Variants in PTPN3 observed in about 807,000 individuals in gnomAD.
The protein encoded by PTPN3 is protein tyrosine phosphatase non-receptor type 3.
A neutral mutation model predicts 132.7 loss-of-function variants in PTPN3; 96 were observed. The observed-to-expected ratio is 0.72, with a 90% CI of 0.61 to 0.86. The LOEUF (loss-of-function observed/expected upper bound fraction) is 0.86, where lower values mean the gene tolerates loss of function less well. PTPN3 is among the 40% of genes least tolerant of loss of function. PTPN3 has a pLI of 0.00. For missense variants in PTPN3, 1,125 were observed against 1,159.6 expected, an observed-to-expected ratio of 0.97 and a Z score of 0.43; for synonymous variants, 398 against 429.0, an observed-to-expected ratio of 0.93 and a Z score of 0.89.
At chr9:109,453,026 T>C (rs545157761) in intron 5 of PTPN3, among the ~76,000 whole-genome samples, 8 of 152,236 alleles carry the variant, frequency 5.3e-5, no homozygotes, top group African/African-American at 1.4e-4. Context: ...AAAGAGCTGG[T>C]ATGGGGAAAA....
At chr9:109,460,809 G>A (rs191175693) in intron 2 of PTPN3, among the ~76,000 whole-genome samples, 16 of 152,274 alleles carry the variant, frequency 1.1e-4, no homozygotes, top group Non-Finnish European at 1.9e-4. Context: ...TCCCCTGCTG[G>A]GATGTTAGCT....
At chr9:109,475,240 G>A (rs1846598188) in intron 1 of PTPN3, among the ~76,000 whole-genome samples, 1 of 152,180 alleles carries the variant, frequency 6.6e-6, no homozygotes, top group Non-Finnish European at 1.5e-5. Flanking sequence ...TGGGCTTTCA[G>A]GACTTCTGTT....
At chr9:109,401,635 C>A (rs538995305) in intron 19 of PTPN3, among the ~76,000 whole-genome samples, 2 of 152,292 alleles carry the variant, frequency 1.3e-5, no homozygotes, top group East Asian at 1.9e-4. Flanking sequence ...GAGCCCACAG[C>A]GCCTCCTTGT....
At chr9:109,453,390 T>C (rs535315249) in intron 5 of PTPN3, among the ~76,000 whole-genome samples, 1 of 152,180 alleles carries the variant, frequency 6.6e-6, no homozygotes, top group South Asian at 2.1e-4. Context: ...CTAAGAAAAA[T>C]AAATGGATCA....
chr9:109,384,617 G>A (rs1233962934), intron 22 of PTPN3, among the ~76,000 whole-genome samples: 1 of 152,182 alleles, frequency 6.6e-6, no homozygotes, highest in East Asian at 1.9e-4. Context: ...AAACTTCAGG[G>A]CTAGGCTGTC....
intron 9 of PTPN3, among the ~76,000 whole-genome samples, chr9:109,433,945 C>T (rs374495675): frequency 3.7e-5 from 5 of 136,608 alleles, no homozygotes; most frequent in Admixed American, 7.5e-5. Context: ...AAAAAAAAAG[C>T]GTTGCTTCTA....
the PTPN3 span, among the ~76,000 whole-genome samples, chr9:109,516,930 G>A: frequency 6.6e-6 from 1 of 152,288 alleles, no homozygotes; most frequent in East Asian, 1.9e-4. Flanking sequence ...TGCGAGGTGA[G>A]CAGGGATGGA....
intron 11 of PTPN3, among the ~76,000 whole-genome samples, chr9:109,428,248 C>A (rs529873392): frequency 6.6e-6 from 1 of 152,312 alleles, no homozygotes; most frequent in East Asian, 1.9e-4. Context: ...AGTAACCTGG[C>A]TAGCTGGTAA....
At chr9:109,462,899 C>A (rs1001801956) in intron 2 of PTPN3, among the ~76,000 whole-genome samples, 1 of 151,750 alleles carries the variant, frequency 6.6e-6, no homozygotes, top group Non-Finnish European at 1.5e-5. Context: ...GCAACATATA[C>A]CCTAATCACT....
At chr9:109,388,382 A>AGACCTCAGAGGAGATGGGAATCTC in intron 22 of PTPN3, among the ~76,000 whole-genome samples, 2 of 152,328 alleles carry the variant, frequency 1.3e-5, no homozygotes, top group Admixed American at 1.3e-4. Context: ...AGGGAATGCT[A>AGACCTCAGAGGAGATGGGAATCTC]GACCTCAGAG....
At chr9:109,388,262 C>T (rs1054705267) in intron 22 of PTPN3, among the ~76,000 whole-genome samples, 7 of 152,064 alleles carry the variant, frequency 4.6e-5, no homozygotes, top group African/African-American at 1.7e-4. Flanking sequence ...TCCTGTCATC[C>T]AAGAGTTTGC....
chr9:109,529,220 A>G, the PTPN3 span, among the ~76,000 whole-genome samples: 3 of 152,254 alleles, frequency 2.0e-5, no homozygotes, highest in African/African-American at 7.2e-5. Context: ...CTGCAGGTCC[A>G]GCAGCTTCTC....
chr9:109,408,826 AT>A lies in PTPN3; in HGVS notation c.1579-450del, dbSNP rs1247258245. ...ATATATATATATATATATGGGCTTT[AT>A]ATATATATATGGGCTTTAATATATA... On this transcript the variant is annotated intron_variant, in intron 16 of 25. Coordinates refer to ENST00000374541, the MANE Select transcript of PTPN3 (RefSeq NM_002829.4). Among the ~76,000 whole-genome samples, 7 of 133,686 alleles carry A rather than the reference AT, an allele frequency of 5.2e-5. No individual in the cohort carries two copies. In the East Asian group the frequency reaches 6.4e-4, roughly 12 times the overall value. 87.7% of individuals were successfully genotyped at this position (133,686 alleles called of 152,430 possible). A position where few individuals can be genotyped will look rare whatever the true frequency, so the allele number is the denominator to read the frequency against.
At chr9:109,449,712 T>G (rs10979872) in intron 5 of PTPN3, 352,625 of 985,092 alleles carry the variant, frequency 0.36, 64,689 homozygotes, top group African/African-American at 0.52. Context: ...AGACATTCCA[T>G]TGTCTGGCCA....
the PTPN3 span, among the ~76,000 whole-genome samples, chr9:109,513,961 T>G: frequency 6.6e-6 from 1 of 152,184 alleles, no homozygotes; most frequent in South Asian, 2.1e-4. Flanking sequence ...CCACATGTAC[T>G]TCAAGCTTAA....
intron 14 of PTPN3, among the ~76,000 whole-genome samples, chr9:109,414,848 A>G (rs111954244): frequency 1.4e-4 from 21 of 152,368 alleles, no homozygotes; most frequent in African/African-American, 5.0e-4. Flanking sequence ...CTCACAGGTG[A>G]CAGTTACCAA....
At chr9:109,479,559 A>G (rs1490066268) in intron 1 of PTPN3, among the ~76,000 whole-genome samples, 3 of 152,212 alleles carry the variant, frequency 2.0e-5, no homozygotes, top group African/African-American at 4.8e-5. Flanking sequence ...GCTGGGTCAC[A>G]TGGTAGTTCT....
chr9:109,519,200 G>C, the PTPN3 span, among the ~76,000 whole-genome samples: 2 of 152,326 alleles, frequency 1.3e-5, no homozygotes, highest in South Asian at 4.2e-4. Context: ...AGAAGAAGTA[G>C]TGCAGAGGGT....
intron 24 of PTPN3, 82 bp from the exon 25 acceptor site, chr9:109,381,869 C>T: frequency 6.5e-7 from 1 of 1,530,178 alleles, no homozygotes; most frequent in Non-Finnish European, 9.0e-7. Context: ...CCCGCTGACT[C>T]CAAAGGGGCT....
Sources: gnomAD v4.1 joint callset for allele counts (sites outside exome capture counted in the v4.1 genomes callset) on GRCh38, gnomAD v4.1.1 for gene constraint, MANE v1.5 for transcripts, NCBI Gene and HGNC (gene_info 2026-07-23, HGNC 2026-07-21) for gene names.